SIX3: variants seen among roughly 807,000 people sequenced by gnomAD.
SIX3 encodes SIX homeobox 3.
Under a neutral mutation model 21.7 loss-of-function variants are expected in SIX3, and 2 were observed. That is an observed-to-expected ratio of 0.09 (90% confidence interval 0.04 to 0.29). SIX3 has a LOEUF of 0.29. SIX3 is among the 10% of genes least tolerant of loss of function. SIX3 has a pLI of 1.00. For synonymous variants in SIX3, 243 were observed against 220.6 expected, an observed-to-expected ratio of 1.10 and a Z score of -0.90; for missense variants, 347 against 480.7, an observed-to-expected ratio of 0.72 and a Z score of 2.60.
At position 44,942,515 on chromosome 2, in the gene SIX3, G is replaced by T; in HGVS notation, c.411G>T (p.Val137=). The T allele has an allele frequency of 6.3e-7, 1 of 1,598,384 alleles. No homozygotes were observed. The highest frequency in any genetic ancestry group is 8.5e-7 in the Non-Finnish European group (1 of 1,179,774). The change falls in exon 1 of 2, where the codon GTG becomes GTT. Residue 137 remains valine (V), a synonymous_variant. Coordinates refer to ENST00000260653, the MANE Select transcript of SIX3 (RefSeq NM_005413.4). This position sits in a 1 kb window ranked among gnomAD's most constrained non-coding sequence, Gnocchi z 8.4. ...KHESILRARA[V]VAFHTGNFRD... is the part of the protein sequence containing the mutation. ...AGTCGATCCTGCGCGCGCGCGCCGT[G>T]GTCGCCTTCCACACGGGCAACTTCC...
chr2:44,945,858 G>A lies in SIX3; in HGVS notation c.*1098G>A, dbSNP rs1361111854. On this transcript the variant is annotated 3_prime_UTR_variant, in exon 2 of 2. Transcript: ENST00000260653. ...CGACTTGGCAGTCAAGGAGAGGCATGGTGGCCTGGGTTAGGAAGAGGGACC... is the reference window on the plus strand; with the variant it reads ...CGACTTGGCAGTCAAGGAGAGGCATAGTGGCCTGGGTTAGGAAGAGGGACC... 2 of 152,204 alleles carry A rather than the reference G, an allele frequency of 1.3e-5. No individual in the cohort carries two copies. Among genetic ancestry groups the A allele is most frequent in the Admixed American group, 1.3e-4 (2 of 15,280 alleles). 9.4% of individuals were successfully genotyped at this position (152,204 alleles called of 1,614,324 possible).
In SIX3 at chr2:44,944,989, C is replaced by A. The variant is rs1029447085; in HGVS notation, c.*229C>A. Reference sequence around the variant, plus strand: ...AAATTAACCGCAAACTATCAACAACCCCCAACCACCATCTACCACTACGGC... The same window carrying A: ...AAATTAACCGCAAACTATCAACAACACCCAACCACCATCTACCACTACGGC... On this transcript the variant is annotated 3_prime_UTR_variant, in exon 2 of 2. Transcript: ENST00000260653. 13 of 594,420 alleles carry A rather than the reference C, an allele frequency of 2.2e-5. No homozygotes were observed. Among genetic ancestry groups the A allele is most frequent in the African/African-American group, 9.3e-5 (5 of 53,708 alleles). 36.8% of individuals were successfully genotyped at this position (594,420 alleles called of 1,614,324 possible). A position where few individuals can be genotyped will look rare whatever the true frequency, so the allele number is the denominator to read the frequency against.
At chr2:44,943,540 C>T (rs1572624793) in intron 1 of SIX3, among the ~76,000 whole-genome samples, 1 of 152,214 alleles carries the variant, frequency 6.6e-6, no homozygotes, top group East Asian at 1.9e-4. Context: ...GAGGAGAATC[C>T]CTTTGGTCCT....
Position 44,945,057 on chromosome 2 carries a change from T to C in SIX3, c.*297T>C, listed in dbSNP as rs1024858775. On this transcript the variant is annotated 3_prime_UTR_variant, in exon 2 of 2. Transcript: ENST00000260653. ...ACGCCAACAGACAGTCAAACGCTGA[T>C]GTTGCGGGCAGAAAACATAAAAGAG... The C allele has an allele frequency of 3.9e-6, 2 of 518,688 alleles. No individual in the cohort carries two copies. The highest frequency in any genetic ancestry group is 6.9e-6 in the Non-Finnish European group (2 of 287,858). 32.1% of individuals were successfully genotyped at this position (518,688 alleles called of 1,614,324 possible).
Position 44,942,557 on chromosome 2 carries a change from C to T in SIX3, c.453C>T (p.Ile151=). The T allele has an allele frequency of 6.3e-7, 1 of 1,598,626 alleles. No individual in the cohort carries two copies. The highest frequency in any genetic ancestry group is 8.5e-7 in the Non-Finnish European group (1 of 1,179,784). ...GCAACTTCCGCGACCTCTACCACAT[C>T]CTTGAGAACCACAAGTTCACCAAGG... The part of the protein sequence containing the change: ...HTGNFRDLYH[I]LENHKFTKES... Residue 151 remains isoleucine (I), a synonymous_variant, in exon 1 of 2, where the codon ATC becomes ATT. Transcript: ENST00000260653. The surrounding 1 kb of genome is among the most constrained non-coding windows in gnomAD (Gnocchi z 8.4).
At chr2:44,943,321 C>G (rs912681943) in intron 1 of SIX3, among the ~76,000 whole-genome samples, 3 of 152,266 alleles carry the variant, frequency 2.0e-5, no homozygotes, top group Non-Finnish European at 4.4e-5. Flanking sequence ...GAGAAATCCA[C>G]TAGCGTCAGA....
rs1558421400 is a variant in SIX3 at position 44,945,445 on chromosome 2, CTCT to C, written c.*692_*694del. On this transcript the variant is annotated 3_prime_UTR_variant, in exon 2 of 2. Transcript: ENST00000260653. Reference sequence around the variant, plus strand: ...TTTTTTTCTCTCGCTCTCTTTCTTTCTCTTCTTCTCTCTGTTTTTAAGTCAAGT... The same window carrying C: ...TTTTTTTCTCTCGCTCTCTTTCTTTCTCTTCTCTCTGTTTTTAAGTCAAGT... The C allele has an allele frequency of 2.2e-5, 3 of 136,628 alleles. No individual in the cohort carries two copies. The highest frequency in any genetic ancestry group is 5.4e-5 in the African/African-American group (2 of 36,776). The allele number at this position is 136,628 out of a possible 1,614,324, so 8.5% of individuals were successfully genotyped here.
In SIX3 at chr2:44,944,986, A is replaced by C. The variant is rs892450712; in HGVS notation, c.*226A>C. The C allele has an allele frequency of 3.5e-6, 2 of 579,140 alleles. No homozygotes were observed. 35.9% of individuals were successfully genotyped at this position (579,140 alleles called of 1,614,324 possible). On this transcript the variant is annotated 3_prime_UTR_variant, in exon 2 of 2. Coordinates refer to ENST00000260653, the MANE Select transcript of SIX3 (RefSeq NM_005413.4). The stretch of plus-strand genomic sequence containing the variant: ...AACAAATTAACCGCAAACTATCAAC[A>C]ACCCCCAACCACCATCTACCACTAC...
rs1389555422 is a variant in SIX3, at chr2:44,945,846, A to C, written c.*1086A>C. ...TGCTCCTGGTGTCGACTTGGCAGTCAAGGAGAGGCATGGTGGCCTGGGTTA... is the reference window on the plus strand; with the variant it reads ...TGCTCCTGGTGTCGACTTGGCAGTCCAGGAGAGGCATGGTGGCCTGGGTTA... On this transcript the variant is annotated 3_prime_UTR_variant, in exon 2 of 2. Transcript: ENST00000260653. 1.3e-5 allele frequency: 2 copies of C among 152,098 alleles called. No homozygotes were observed. The highest frequency in any genetic ancestry group is 3.9e-4 in the East Asian group (2 of 5,190). The allele number at this position is 152,098 out of a possible 1,614,324, so 9.4% of individuals were successfully genotyped here.
rs1666595559 is a variant in SIX3 at position 44,942,306 on chromosome 2, G to T, written c.202G>T (p.Gly68Cys). Residue 68 changes from glycine (G) to cysteine (C), a missense_variant, in exon 1 of 2, where the codon GGC (glycine) becomes TGC (cysteine). Transcript: ENST00000260653. The surrounding 1 kb of genome is among the most constrained non-coding windows in gnomAD (Gnocchi z 8.4). ...GAGGAGGGGG[G>C]GSRAPPEELS... ...TGGCGGAGCAGGCGGCGGCGGCGGC[G>T]GCGGCTCCAGGGCCCCCCCGGAAGA... is the stretch of plus-strand genomic sequence containing the variant. The T allele has an allele frequency of 2.5e-6, 4 of 1,580,418 alleles. No homozygotes were observed. In the South Asian group the frequency reaches 4.5e-5, roughly 18 times the overall value.
At position 44,945,882 on chromosome 2, in the gene SIX3, C is replaced by A. The variant is rs1468504491; in HGVS notation, c.*1122C>A. On this transcript the variant is annotated 3_prime_UTR_variant, in exon 2 of 2. Coordinates refer to ENST00000260653, the MANE Select transcript of SIX3 (RefSeq NM_005413.4). ...TGGTGGCCTGGGTTAGGAAGAGGGACCCTGTCGCTAGCAAAAGCGGAGAGT... is the reference window on the plus strand; with the variant it reads ...TGGTGGCCTGGGTTAGGAAGAGGGAACCTGTCGCTAGCAAAAGCGGAGAGT... The A allele has an allele frequency of 6.6e-6, 1 of 152,216 alleles. No individual in the cohort carries two copies. Among genetic ancestry groups the A allele is most frequent in the Non-Finnish European group, 1.5e-5 (1 of 68,042 alleles). The allele number at this position is 152,216 out of a possible 1,614,324, so 9.4% of individuals were successfully genotyped here.
rs1666659687 is a variant in SIX3 at position 44,944,867 on chromosome 2, C to G, written c.*107C>G. 1 of 1,068,032 alleles carries G rather than the reference C, an allele frequency of 9.4e-7. No individual in the cohort carries two copies. Among genetic ancestry groups the G allele is most frequent in the Admixed American group, 2.0e-5 (1 of 50,334 alleles). The allele number at this position is 1,068,032 out of a possible 1,614,324, so 66.2% of individuals were successfully genotyped here. On this transcript the variant is annotated 3_prime_UTR_variant, in exon 2 of 2. Coordinates refer to ENST00000260653, the MANE Select transcript of SIX3 (RefSeq NM_005413.4). ...CCTCTTCCTTCTCCTCCTCCATCCC[C>G]AGAACAAACCGAAATCAGGATACCC... is the stretch of plus-strand genomic sequence containing the variant.
intron 1 of SIX3, 44 bp from the exon 2 acceptor site, chr2:44,944,524 C>G: frequency 1.3e-6 from 2 of 1,531,400 alleles, no homozygotes; most frequent in Non-Finnish European, 1.8e-6. Flanking sequence ...AGCCGGGTGG[C>G]GGGCCTCTGT....
In SIX3 at chr2:44,944,582, C is replaced by T; in HGVS notation, c.821C>T (p.Ala274Val). Residue 274 changes from alanine to valine, a missense_variant, in exon 2 of 2, where the codon GCC becomes GTC. This residue lies in a region of SIX3 where 110 missense variants were observed against 93.3 expected (regional missense o/e 1.18). Transcript: ENST00000260653. ...AAAKNRLQHQAIGPSGMRSLA... is the reference protein window; with the variant it reads ...AAAKNRLQHQVIGPSGMRSLA... ...TTCTCCCGCAGGCTCCAGCACCAGG[C>T]CATTGGACCGAGCGGCATGCGCTCG... 1 of 1,578,286 alleles carries T rather than the reference C, an allele frequency of 6.3e-7. No individual in the cohort carries two copies. The highest frequency in any genetic ancestry group is 8.6e-7 in the Non-Finnish European group (1 of 1,169,070).
chr2:44,942,964 G>A lies in SIX3; in HGVS notation c.806+54G>A, dbSNP rs1364841843. 1 of 1,561,318 alleles carries A rather than the reference G, an allele frequency of 6.4e-7. No individual in the cohort carries two copies. The highest frequency in any genetic ancestry group is 8.6e-7 in the Non-Finnish European group (1 of 1,161,382). On this transcript the variant is annotated intron_variant, in intron 1 of 1. Transcript: ENST00000260653. This position sits in a 1 kb window ranked among gnomAD's most constrained non-coding sequence, Gnocchi z 8.4. ...CAGCCTCAGAGGCCTGGGAAGGGGA[G>A]AGGGGTTGAGATGGGGCTAGCGGAG...
rs757457966 is a variant in SIX3, at chr2:44,942,391, G to C, written c.287G>C (p.Cys96Ser). 1 of 1,597,198 alleles carries C rather than the reference G, an allele frequency of 6.3e-7. No individual in the cohort carries two copies. ...TCGCCGGAGCAGGTGGCCAGCGTCT[G>C]TGAGACGCTGGAGGAGACGGGCGAC... ...NFSPEQVASV[C>S]ETLEETGDIE... is the part of the protein sequence containing the mutation. The change falls in exon 1 of 2, where the codon TGT (cysteine) becomes TCT (serine). Residue 96 changes from cysteine (C) to serine (S), a missense_variant. By Grantham distance (112) the Cys-to-Ser change is moderately radical (BLOSUM62 -1). This residue lies in a region of SIX3 where 117 missense variants were observed against 205.9 expected (regional missense o/e 0.57). Transcript: ENST00000260653. This position sits in a 1 kb window ranked among gnomAD's most constrained non-coding sequence, Gnocchi z 8.4.
At position 44,945,933 on chromosome 2, in the gene SIX3, G is replaced by A. The variant is rs1666685028; in HGVS notation, c.*1173G>A. On this transcript the variant is annotated 3_prime_UTR_variant, in exon 2 of 2. Transcript: ENST00000260653. Reference sequence around the variant, plus strand: ...GAGATTGTAGTATTCTTATGCAAAAGCTATTTCCAGTATTTCTTAGCAGCT... The same window carrying A: ...GAGATTGTAGTATTCTTATGCAAAAACTATTTCCAGTATTTCTTAGCAGCT... The A allele has an allele frequency of 6.6e-6, 1 of 152,352 alleles. No individual in the cohort carries two copies. Among genetic ancestry groups the A allele is most frequent in the Non-Finnish European group, 1.5e-5 (1 of 68,038 alleles). 9.4% of individuals were successfully genotyped at this position (152,352 alleles called of 1,614,324 possible). A position where few individuals can be genotyped will look rare whatever the true frequency, so the allele number is the denominator to read the frequency against.
chr2:44,942,071 C>T lies in SIX3; in HGVS notation c.-34C>T, dbSNP rs769602460. 1.3e-6 allele frequency: 2 copies of T among 1,541,324 alleles called. No homozygotes were observed. Among genetic ancestry groups the T allele is most frequent in the Non-Finnish European group, 1.8e-6 (2 of 1,132,404 alleles). Reference sequence around the variant, plus strand: ...CTCTTCCTCCCCTCTCTCTTCCTCTCCCTGAATTTTCTCCTCTCCTCTCAG... The same window carrying T: ...CTCTTCCTCCCCTCTCTCTTCCTCTTCCTGAATTTTCTCCTCTCCTCTCAG... On this transcript the variant is annotated 5_prime_UTR_variant, in exon 1 of 2. Coordinates refer to ENST00000260653, the MANE Select transcript of SIX3 (RefSeq NM_005413.4). This position sits in a 1 kb window ranked among gnomAD's most constrained non-coding sequence, Gnocchi z 8.4.
chr2:44,942,128 C>T lies in SIX3; in HGVS notation c.24C>T (p.Asp8=). The T allele has an allele frequency of 6.3e-7, 1 of 1,597,026 alleles. No individual in the cohort carries two copies. Among genetic ancestry groups the T allele is most frequent in the Non-Finnish European group, 8.5e-7 (1 of 1,178,650 alleles). The change falls in exon 1 of 2, where the codon GAC becomes GAT. Residue 8 remains aspartate (D), a synonymous_variant. Coordinates refer to ENST00000260653, the MANE Select transcript of SIX3 (RefSeq NM_005413.4). The surrounding 1 kb of genome is among the most constrained non-coding windows in gnomAD (Gnocchi z 8.4). Reference sequence around the variant, plus strand: ...CCATGGTATTCCGCTCCCCCCTAGACCTCTATTCCTCCCACTTCTTGTTGC... The same window carrying T: ...CCATGGTATTCCGCTCCCCCCTAGATCTCTATTCCTCCCACTTCTTGTTGC... MVFRSPL[D]LYSSHFLLPN... is the part of the protein sequence containing the mutation.
Sources: gnomAD v4.1 joint callset for allele counts (sites outside exome capture counted in the v4.1 genomes callset) on GRCh38, gnomAD v4.1.1 for gene constraint, gnomAD v4.1.1 regional missense constraint, Gnocchi (gnomAD v3.1) non-coding constraint, MANE v1.5 for transcripts, NCBI Gene and HGNC (gene_info 2026-07-23, HGNC 2026-07-21) for gene names.